Variants in PSMB7 observed in about 807,000 individuals in gnomAD.
The protein encoded by PSMB7 is proteasome 20S subunit beta 7, also known as proteasome subunit beta type-7.
In PSMB7, 5 loss-of-function variants were observed where a neutral mutation model predicts 28.1. The observed-to-expected ratio is 0.18, with a 90% CI of 0.09 to 0.37. PSMB7 has a LOEUF of 0.37. PSMB7 is among the 10% of genes least tolerant of loss of function. The pLI is 1.00. For synonymous variants in PSMB7, 122 were observed against 123.7 expected, an observed-to-expected ratio of 0.99 and a Z score of 0.09; for missense variants, 275 against 346.2, an observed-to-expected ratio of 0.79 and a Z score of 1.63.
chr9:124,372,590 C>G (rs1216527963), intron 6 of PSMB7, among the ~76,000 whole-genome samples: 1 of 152,194 alleles, frequency 6.6e-6, no homozygotes, highest in African/African-American at 2.4e-5. Flanking sequence ...CCATCTAACC[C>G]CCTTTTATTT....
At chr9:124,410,083 A>G (rs939954842) in intron 4 of PSMB7, among the ~76,000 whole-genome samples, 5 of 148,906 alleles carry the variant, frequency 3.4e-5, no homozygotes, top group Middle Eastern at 3.5e-3. Context: ...ATCTCGGCTC[A>G]CTGCCAAGCT....
chr9:124,389,349 C>T (rs1019667795), intron 5 of PSMB7, among the ~76,000 whole-genome samples: 1 of 152,180 alleles, frequency 6.6e-6, no homozygotes, highest in African/African-American at 2.4e-5. Context: ...TCCTTAGCAA[C>T]CTTCCCCAAG....
At chr9:124,362,247 ATTGT>A (rs1797985705) in intron 6 of PSMB7, among the ~76,000 whole-genome samples, 2 of 152,344 alleles carry the variant, frequency 1.3e-5, no homozygotes, top group South Asian at 4.1e-4. Context: ...CGGCAAATAT[ATTGT>A]TTATGTAGCT....
chr9:124,373,642 A>T (rs1005746753), intron 6 of PSMB7, among the ~76,000 whole-genome samples: 1 of 152,224 alleles, frequency 6.6e-6, no homozygotes, highest in African/African-American at 2.4e-5. Context: ...CTAGTTCTTA[A>T]CAAAAAATCC....
In PSMB7 at chr9:124,398,535, A is replaced by C. The variant is rs1050073156; in HGVS notation, c.511+6782T>G. 1.6e-4 allele frequency: 43 copies of C among 263,504 alleles called. 1 individual carries two copies. The highest frequency in any genetic ancestry group is 8.0e-4 in the South Asian group (21 of 26,266). The allele number at this position is 263,504 out of a possible 1,614,324, so 16.3% of individuals were successfully genotyped here. A position where few individuals can be genotyped will look rare whatever the true frequency, so the allele number is the denominator to read the frequency against. On this transcript the variant is annotated intron_variant, in intron 5 of 7. Transcript: ENST00000259457. ...GTTTTTGGGTAGTAAAATTGTGGAG[A>C]TATATATGCATATATATAGTTTAAT...
intron 6 of PSMB7, among the ~76,000 whole-genome samples, chr9:124,370,142 C>T (rs567622477): frequency 1.7e-4 from 26 of 152,092 alleles, no homozygotes; most frequent in African/African-American, 6.3e-4. Context: ...CTTCTGGTGG[C>T]GCAGATGCCA....
intron 4 of PSMB7, among the ~76,000 whole-genome samples, chr9:124,408,585 A>G (rs971551189): frequency 6.6e-6 from 1 of 152,224 alleles, no homozygotes; most frequent in Non-Finnish European, 1.5e-5. Context: ...ATTTTCCCCC[A>G]TAAGAGTACA....
intron 6 of PSMB7, among the ~76,000 whole-genome samples, chr9:124,377,569 G>C (rs1358958948): frequency 6.6e-6 from 1 of 152,208 alleles, no homozygotes; most frequent in African/African-American, 2.4e-5. Flanking sequence ...ATTTAAAGTG[G>C]ATCTATAGCT....
intron 6 of PSMB7, among the ~76,000 whole-genome samples, chr9:124,367,505 C>A (rs1227870974): frequency 6.6e-6 from 1 of 150,712 alleles, no homozygotes; most frequent in Non-Finnish European, 1.5e-5. Flanking sequence ...GAGGGGGTCT[C>A]AAAAAGGCAT....
chr9:124,379,783 G>T (rs193072722), intron 6 of PSMB7, among the ~76,000 whole-genome samples: 1 of 152,330 alleles, frequency 6.6e-6, no homozygotes, highest in Admixed American at 6.5e-5. Context: ...CGCTGTTTGA[G>T]AAGTGTACTG....
chr9:124,405,518 G>GT (rs1226298959), intron 4 of PSMB7, 86 bp from the exon 5 acceptor site: 5 of 865,692 alleles, frequency 5.8e-6, no homozygotes, highest in African/African-American at 1.7e-5. Context: ...GAGAAGTCAG[G>GT]TAACAAAAAG....
chr9:124,354,417 ACTGTTCCT>A (rs1179519167), intron 7 of PSMB7, among the ~76,000 whole-genome samples: 1 of 152,142 alleles, frequency 6.6e-6, no homozygotes, highest in Non-Finnish European at 1.5e-5. Flanking sequence ...CACACAACCA[ACTGTTCCT>A]CTGCTCTAGC....
At chr9:124,411,769 T>G (rs533786168) in intron 4 of PSMB7, among the ~76,000 whole-genome samples, 210 of 152,348 alleles carry the variant, frequency 1.4e-3, no homozygotes, top group African/African-American at 4.8e-3. Context: ...AACCTCAATT[T>G]CTTCACTTAC....
At position 124,401,478 on chromosome 9, in the gene PSMB7, T is replaced by C. The variant is rs1264208602; in HGVS notation, c.511+3839A>G. Among the ~76,000 whole-genome samples, 3 of 152,276 alleles carry C rather than the reference T, an allele frequency of 2.0e-5. No individual in the cohort carries two copies. The South Asian group carries it at 6.2e-4, about 31-fold the overall frequency. On this transcript the variant is annotated intron_variant, in intron 5 of 7. Transcript: ENST00000259457. ...CTCCTAGCAAAGTGCTCCGCACTAG[T>C]GATGCTTAATACACATCAGACAAAT...
At chr9:124,399,168 A>G (rs575501456) in intron 5 of PSMB7, among the ~76,000 whole-genome samples, 2 of 152,364 alleles carry the variant, frequency 1.3e-5, no homozygotes, top group Admixed American at 1.3e-4. Context: ...GGTTTCTAAC[A>G]CTAAGTTTCA....
chr9:124,356,668 G>C lies in PSMB7; in HGVS notation c.722+96C>G. On this transcript the variant is annotated intron_variant, in intron 7 of 7. Coordinates refer to ENST00000259457, the MANE Select transcript of PSMB7 (RefSeq NM_002799.4). The surrounding 1 kb of genome is among the most constrained non-coding windows in gnomAD (Gnocchi z 4.4). ...GGGAACACTGGATGTACTTAATGTG[G>C]AAAGAACCAGGAAAACTCCATCCAG... 1.4e-6 allele frequency: 2 copies of C among 1,398,652 alleles called. No homozygotes were observed. The highest frequency in any genetic ancestry group is 2.0e-6 in the Non-Finnish European group (2 of 1,023,234). The allele number at this position is 1,398,652 out of a possible 1,614,324, so 86.6% of individuals were successfully genotyped here.
chr9:124,387,381 T>C (rs1830735672), intron 5 of PSMB7, among the ~76,000 whole-genome samples: 1 of 152,132 alleles, frequency 6.6e-6, no homozygotes, highest in Non-Finnish European at 1.5e-5. Flanking sequence ...GTGGGGAGGC[T>C]CTCTACATTA....
intron 6 of PSMB7, among the ~76,000 whole-genome samples, chr9:124,368,423 C>A (rs941806574): frequency 6.6e-6 from 1 of 152,202 alleles, no homozygotes; most frequent in African/African-American, 2.4e-5. Flanking sequence ...TGGCTTGTTA[C>A]ATTTGGTAAA....
chr9:124,408,367 C>T (rs1007874822), intron 4 of PSMB7, among the ~76,000 whole-genome samples: 11 of 152,120 alleles, frequency 7.2e-5, no homozygotes, highest in Admixed American at 6.5e-4. Flanking sequence ...GTACCCAAGG[C>T]TTCTATGTTC....
Sources: gnomAD v4.1 joint callset for allele counts (sites outside exome capture counted in the v4.1 genomes callset) on GRCh38, gnomAD v4.1.1 for gene constraint, Gnocchi (gnomAD v3.1) non-coding constraint, MANE v1.5 for transcripts, NCBI Gene and HGNC (gene_info 2026-07-23, HGNC 2026-07-21) for gene names.